Variants in LSG1 observed in about 807,000 individuals in gnomAD.
The protein encoded by LSG1 is large subunit GTPase 1 homolog.
A neutral mutation model predicts 82.6 loss-of-function variants in LSG1; 55 were observed. The ratio of observed to expected loss-of-function variants is 0.67; its 90% CI spans 0.54 to 0.83. The LOEUF is 0.83. Among genes scored for constraint, LSG1 ranks in the 40% least tolerant of loss-of-function variants. The pLI is 0.00. For missense variants in LSG1, 809 were observed against 807.9 expected, an observed-to-expected ratio of 1.00 and a Z score of -0.02; for synonymous variants, 272 against 282.5, an observed-to-expected ratio of 0.96 and a Z score of 0.37.
At chr3:194,646,115 G>A (rs761878835) in intron 12 of LSG1, 49 bp downstream of exon 12, 2 of 1,548,478 alleles carry the variant, frequency 1.3e-6, no homozygotes, top group Non-Finnish European at 1.8e-6. Context: ...AACGCAGAAT[G>A]TGGAAAAGAC....
At chr3:194,643,266 A>G (rs1718436782) in intron 13 of LSG1, among the ~76,000 whole-genome samples, 1 of 152,260 alleles carries the variant, frequency 6.6e-6, no homozygotes, top group African/African-American at 2.4e-5. Context: ...CTGTTTCTTT[A>G]GCACTTTCTA....
chr3:194,642,367 G>A (rs1035829186), intron 13 of LSG1, 120 bp from the exon 14 acceptor site: 17 of 707,814 alleles, frequency 2.4e-5, no homozygotes, highest in Middle Eastern at 3.9e-4. Flanking sequence ...GTGAACTTCC[G>A]CCCCCCTCCC....
chr3:194,663,015 C>T (rs2108620894), intron 5 of LSG1, among the ~76,000 whole-genome samples: 1 of 152,036 alleles, frequency 6.6e-6, no homozygotes, highest in South Asian at 2.1e-4. Flanking sequence ...AAGTCAGAAA[C>T]CAGGAGAAAA....
chr3:194,647,183 A>G (rs1386261180), intron 11 of LSG1, among the ~76,000 whole-genome samples: 4 of 152,264 alleles, frequency 2.6e-5, no homozygotes, highest in Admixed American at 1.3e-4. Context: ...TTACAGGAAG[A>G]TAGTTTTATC....
chr3:194,648,812 G>A lies in LSG1; in HGVS notation c.1420-8C>T, dbSNP rs751504288. 1.2e-6 allele frequency: 2 copies of A among 1,613,838 alleles called. No individual in the cohort carries two copies. The highest frequency in any genetic ancestry group is 2.2e-5 in the South Asian group (2 of 91,024). On this transcript the variant is annotated splice_region_variant and splice_polypyrimidine_tract_variant and intron_variant, in intron 10 of 13. Transcript: ENST00000265245. ...TGGAATATTCTGGCAAACGTAGCTT[G>A]TCAGGGAATCCATTCTCTTGAACGG...
intron 6 of LSG1, 92 bp downstream of exon 6, chr3:194,659,981 C>A (rs1460166080): frequency 1.8e-6 from 2 of 1,111,904 alleles, no homozygotes; most frequent in African/African-American, 1.5e-5. Context: ...CCAGAGAGGG[C>A]AGAATGTATG....
chr3:194,654,598 A>G (rs1205332376), intron 7 of LSG1, among the ~76,000 whole-genome samples: 2 of 152,222 alleles, frequency 1.3e-5, no homozygotes, highest in Admixed American at 1.3e-4. Context: ...TGAGCAGCGA[A>G]GGTAAAGAAG....
chr3:194,656,410 C>T (rs1478471656), intron 7 of LSG1, among the ~76,000 whole-genome samples: 3 of 152,194 alleles, frequency 2.0e-5, no homozygotes, highest in South Asian at 4.1e-4. Context: ...CTCATCATCA[C>T]TGGCCATCAG....
intron 2 of LSG1, 37 bp from the exon 3 acceptor site, chr3:194,666,609 CAG>C (rs777736797): frequency 2.0e-5 from 31 of 1,576,308 alleles, no homozygotes; most frequent in Admixed American, 5.2e-5. Flanking sequence ...ACTTAAGAGG[CAG>C]TATAGATACA....
chr3:194,642,861 A>T (rs1331624901), intron 13 of LSG1, among the ~76,000 whole-genome samples: 2 of 152,232 alleles, frequency 1.3e-5, no homozygotes, highest in African/African-American at 4.8e-5. Context: ...ACTTGAAAAT[A>T]ATTCAAACTA....
At chr3:194,649,361 A>G (rs1256722592) in intron 10 of LSG1, among the ~76,000 whole-genome samples, 2 of 152,100 alleles carry the variant, frequency 1.3e-5, no homozygotes, top group East Asian at 3.9e-4. Context: ...CCTGCAATAA[A>G]TGATTCATGT....
chr3:194,652,738 C>T lies in LSG1; in HGVS notation c.1164G>A (p.Thr388=), dbSNP rs35499962. The T allele has an allele frequency of 2.7e-5, 44 of 1,612,518 alleles. No individual in the cohort carries two copies. The highest frequency in any genetic ancestry group is 6.7e-5 in the East Asian group (3 of 44,856). The change falls in exon 8 of 14, where the codon ACG becomes ACA. Residue 388 remains threonine (T), a synonymous_variant. Transcript: ENST00000265245. ...TGRKVKDGQL[T]VGLVGYPNVG... ...ACATATGTCATCTTACCAGTCCGAC[C>T]GTAAGTTGCCCATCTTTCACCTTTC...
intron 5 of LSG1, among the ~76,000 whole-genome samples, chr3:194,661,697 T>C (rs1010251397): frequency 2.6e-5 from 4 of 152,230 alleles, no homozygotes; most frequent in African/African-American, 7.2e-5. Flanking sequence ...AAGACATCAA[T>C]AAATATTTCC....
intron 13 of LSG1, 113 bp downstream of exon 13, chr3:194,644,451 CTTTTTGGAA>C (rs1718474857): frequency 2.5e-6 from 1 of 397,544 alleles, no homozygotes; most frequent in East Asian, 4.1e-5. Context: ...TTATTAAACC[CTTTTTGGAA>C]TTATTAAACC....
At chr3:194,644,504 G>T in intron 13 of LSG1, 69 bp downstream of exon 13, 2 of 1,228,592 alleles carry the variant, frequency 1.6e-6, no homozygotes, top group Non-Finnish European at 2.3e-6. Context: ...TTTATGGCAT[G>T]TGATACTCAA....
intron 8 of LSG1, 82 bp downstream of exon 8, chr3:194,652,647 G>A: frequency 3.4e-6 from 5 of 1,470,196 alleles, no homozygotes; most frequent in South Asian, 1.3e-5. Context: ...AGCCTGGTTG[G>A]TCTTTGGGGT....
At chr3:194,643,265 T>A (rs1189155976) in intron 13 of LSG1, among the ~76,000 whole-genome samples, 1 of 152,262 alleles carries the variant, frequency 6.6e-6, no homozygotes, top group African/African-American at 2.4e-5. Context: ...TCTGTTTCTT[T>A]AGCACTTTCT....
intron 2 of LSG1, among the ~76,000 whole-genome samples, chr3:194,669,618 G>A (rs1202322966): frequency 6.6e-6 from 1 of 152,176 alleles, no homozygotes; most frequent in Non-Finnish European, 1.5e-5. Flanking sequence ...TATCTCATCT[G>A]TCCTTTGAAC....
At position 194,645,531 on chromosome 3, in the gene LSG1, G is replaced by GACACACACACACAC. The variant is rs1718511520; in HGVS notation, c.1623+632_1623+633insGTGTGTGTGTGTGT. 28 of 35,114 alleles carry GACACACACACACAC rather than the reference G, an allele frequency of 8.0e-4. 1 individual carries two copies. The highest frequency in any genetic ancestry group is 4.2e-3 in the East Asian group (5 of 1,186). 2.2% of individuals were successfully genotyped at this position (35,114 alleles called of 1,614,324 possible). On this transcript the variant is annotated intron_variant, in intron 12 of 13. Coordinates refer to ENST00000265245, the MANE Select transcript of LSG1 (RefSeq NM_018385.3). ...ACACACACACACACACACACACACA[G>GACACACACACACAC]ACAGACACACACACACACACACACA...
Sources: allele counts gnomAD v4.1 joint callset (sites outside exome capture counted in the v4.1 genomes callset), GRCh38; gene constraint gnomAD v4.1.1; transcripts MANE v1.5; gene names NCBI Gene and HGNC (gene_info 2026-07-23, HGNC 2026-07-21).